Variants in SERGEF observed in about 807,000 individuals in gnomAD.
SERGEF encodes the protein secretion regulating guanine nucleotide exchange factor.
A neutral mutation model predicts 50.0 loss-of-function variants in SERGEF; 51 were observed. That is an observed-to-expected ratio of 1.02 (90% CI 0.81 to 1.29). The LOEUF (loss-of-function observed/expected upper bound fraction) is 1.29. Among genes scored for constraint, SERGEF ranks in the 50% most tolerant of loss-of-function variants. The probability of loss-of-function intolerance (pLI) is 0.00; values close to 1 mark genes in which losing one functional copy is unlikely to be tolerated. For missense variants in SERGEF, 521 were observed against 557.0 expected, an observed-to-expected ratio of 0.94 and a Z score of 0.65; for synonymous variants, 205 against 212.4, an observed-to-expected ratio of 0.97 and a Z score of 0.30.
In SERGEF at chr11:18,000,511, G is replaced by T. The variant is rs546268580; in HGVS notation, c.494C>A (p.Ala165Glu). The T allele has an allele frequency of 1.1e-5, 17 of 1,583,200 alleles. No individual in the cohort carries two copies. Among genetic ancestry groups the T allele is most frequent in the Non-Finnish European group, 1.5e-5 (17 of 1,169,520 alleles). Residue 165 changes from alanine to glutamate, a missense_variant, in exon 5 of 11, where the codon GCA (alanine) becomes GAA (glutamate). Physicochemically the swap from Ala to Glu is moderately radical, Grantham distance 107 (BLOSUM62 -1). Transcript: ENST00000265965. ...AAGATGATCACCTGTAGCAGCTACT[G>T]CATGCCTCAGTCCAGCAGCAATACA... is the stretch of plus-strand genomic sequence containing the variant. ...VVCIAAGLRHAVAATASGIVF... is the reference protein window; with the variant it reads ...VVCIAAGLRHEVAATASGIVF...
intron 10 of SERGEF, among the ~76,000 whole-genome samples, chr11:17,867,637 C>T (rs1475660316): frequency 1.3e-5 from 2 of 152,186 alleles, no homozygotes; most frequent in Admixed American, 6.5e-5. Flanking sequence ...GAGTCTGTGT[C>T]GGGGCTCTGA....
chr11:18,006,458 G>T, intron 3 of SERGEF, 133 bp downstream of exon 3: 1 of 881,016 alleles, frequency 1.1e-6, no homozygotes, highest in Non-Finnish European at 1.7e-6. Context: ...TTACAATTGT[G>T]AGCCACCGCA....
intron 10 of SERGEF, 90 bp downstream of exon 10, chr11:17,878,118 C>G: frequency 1.1e-6 from 1 of 929,668 alleles, no homozygotes; most frequent in Non-Finnish European, 1.7e-6. Flanking sequence ...CATGAGTGCA[C>G]GCACCATGGC....
At chr11:17,858,112 G>A (rs1240993621) in intron 10 of SERGEF, among the ~76,000 whole-genome samples, 1 of 152,218 alleles carries the variant, frequency 6.6e-6, no homozygotes, top group Non-Finnish European at 1.5e-5. Context: ...AGCACCAAGT[G>A]TCTTTGAAAG....
intron 10 of SERGEF, among the ~76,000 whole-genome samples, chr11:17,832,890 G>A (rs1275016805): frequency 6.6e-6 from 1 of 152,220 alleles, no homozygotes; most frequent in African/African-American, 2.4e-5. Flanking sequence ...CATTCAAGAG[G>A]TGACTTGGGT....
intron 9 of SERGEF, among the ~76,000 whole-genome samples, chr11:17,950,099 T>G (rs990654649): frequency 6.6e-6 from 1 of 152,220 alleles, no homozygotes; most frequent in Admixed American, 6.5e-5. Flanking sequence ...GAGCTTCTTA[T>G]GAAAATCCAG....
intron 10 of SERGEF, among the ~76,000 whole-genome samples, chr11:17,810,054 C>A (rs1240050801): frequency 1.3e-5 from 2 of 152,022 alleles, no homozygotes; most frequent in South Asian, 4.2e-4. Context: ...TTTCTTTGAC[C>A]CTAGTGTATT....
chr11:18,006,653 G>C lies in SERGEF; in HGVS notation c.290C>G (p.Ser97Cys), dbSNP rs368889802. The C allele has an allele frequency of 4.5e-4, 721 of 1,614,134 alleles. 8 individuals carry two copies. In the South Asian group the frequency reaches 6.8e-3, roughly 15 times the overall value. The change falls in exon 3 of 11, where the codon TCC becomes TGC. Residue 97 changes from serine (S) to cysteine (C), a missense_variant. Coordinates refer to ENST00000265965, the MANE Select transcript of SERGEF (RefSeq NM_012139.4). The stretch of plus-strand genomic sequence containing the variant: ...CTGTTGGATGGGACAGCCAAAGAGG[G>C]ATTTGCAGGGGGTAAAATATGGGAT... ...EDIPYFTPCK[S>C]LFGCPIQQVA... is the part of the protein sequence containing the mutation.
In SERGEF at chr11:17,933,548, T is replaced by C. The variant is rs142358924; in HGVS notation, c.1011+25922A>G. Among the ~76,000 whole-genome samples, 408 of 152,252 alleles carry C rather than the reference T, an allele frequency of 2.7e-3. 1 individual carries two copies. The highest frequency in any genetic ancestry group is 9.1e-3 in the African/African-American group (377 of 41,544). On this transcript the variant is annotated intron_variant, in intron 9 of 10. Transcript: ENST00000265965. The stretch of plus-strand genomic sequence containing the variant: ...CTATCTGGGCTTCAGGTTCCTCATA[T>C]ATAAAATTAAACAATAATATCTGCC...
At chr11:17,919,189 C>T (rs1421912992) in intron 9 of SERGEF, among the ~76,000 whole-genome samples, 1 of 152,086 alleles carries the variant, frequency 6.6e-6, no homozygotes, top group East Asian at 1.9e-4. Flanking sequence ...TTAGTAAATT[C>T]TCAAAAGATG....
At chr11:17,810,549 G>A (rs1472652710) in intron 10 of SERGEF, among the ~76,000 whole-genome samples, 2 of 152,210 alleles carry the variant, frequency 1.3e-5, no homozygotes, top group African/African-American at 4.8e-5. Context: ...GGAGAAGACA[G>A]AATAAGGGCT....
chr11:17,881,179 G>C (rs1851326587), intron 9 of SERGEF, among the ~76,000 whole-genome samples: 1 of 152,154 alleles, frequency 6.6e-6, no homozygotes, highest in African/African-American at 2.4e-5. Context: ...TGTTACTTTT[G>C]TTATTGTTTT....
chr11:17,921,356 C>G (rs1192017575), intron 9 of SERGEF, among the ~76,000 whole-genome samples: 1 of 152,290 alleles, frequency 6.6e-6, no homozygotes, highest in Admixed American at 6.5e-5. Flanking sequence ...CTTTGTATAA[C>G]CTCTAATATT....
intron 9 of SERGEF, among the ~76,000 whole-genome samples, chr11:17,954,210 G>A (rs776843444): frequency 2.6e-5 from 4 of 152,150 alleles, no homozygotes; most frequent in Admixed American, 6.5e-5. Flanking sequence ...AGAGCCCTCC[G>A]GACTCAGCTG....
chr11:18,003,817 G>A (rs1469139161), intron 4 of SERGEF, among the ~76,000 whole-genome samples: 2 of 152,206 alleles, frequency 1.3e-5, no homozygotes, highest in African/African-American at 4.8e-5. Flanking sequence ...GGGGAAGGGA[G>A]AATAGGAATT....
chr11:17,874,302 G>C (rs2133894911), intron 10 of SERGEF: 1 of 152,348 alleles, frequency 6.6e-6, no homozygotes, highest in Non-Finnish European at 1.5e-5. Context: ...TGGTGAGGCA[G>C]AGTGATTGTA....
chr11:17,847,988 T>G (rs1302068988), intron 10 of SERGEF, among the ~76,000 whole-genome samples: 1 of 152,196 alleles, frequency 6.6e-6, no homozygotes, highest in Non-Finnish European at 1.5e-5. Context: ...TCTTCCATTA[T>G]AAGCACAATG....
chr11:17,793,638 C>T (rs1261632601), intron 10 of SERGEF, among the ~76,000 whole-genome samples: 1 of 152,244 alleles, frequency 6.6e-6, no homozygotes, highest in African/African-American at 2.4e-5. Flanking sequence ...AGGACGATCC[C>T]TGGCTTTACA....
chr11:17,838,581 G>C (rs1296367556), intron 10 of SERGEF, among the ~76,000 whole-genome samples: 1 of 152,082 alleles, frequency 6.6e-6, no homozygotes, highest in African/African-American at 2.4e-5. Flanking sequence ...CACCCTCCCA[G>C]GGAGATATTA....
Sources: allele counts gnomAD v4.1 joint callset (sites outside exome capture counted in the v4.1 genomes callset), GRCh38; gene constraint gnomAD v4.1.1; transcripts MANE v1.5; gene names NCBI Gene and HGNC (gene_info 2026-07-23, HGNC 2026-07-21).